NEGR1: variants seen among roughly 807,000 people sequenced by gnomAD.
NEGR1 encodes IgLON family member 4.
NEGR1 carries 10 observed loss-of-function variants against 40.9 expected under a neutral mutation model. That is an observed-to-expected ratio of 0.24 (90% CI 0.15 to 0.42). NEGR1 has a LOEUF of 0.42. Ranked by LOEUF, NEGR1 falls within the 10% of genes least tolerant of loss-of-function variation. The probability of loss-of-function intolerance (pLI) is 1.00; values close to 1 mark genes in which losing one functional copy is unlikely to be tolerated. For missense variants in NEGR1, 352 were observed against 438.9 expected (o/e 0.80, Z 1.77); for synonymous variants, 185 against 166.8 (o/e 1.11, Z -0.84).
At chr1:71,588,055 C>T (rs917941317) in intron 6 of NEGR1, among the ~76,000 whole-genome samples, 3 of 152,006 alleles carry the variant, frequency 2.0e-5, no homozygotes, top group Non-Finnish European at 4.4e-5. Context: ...AGAAACAAAG[C>T]GTGTACAACA....
chr1:71,540,235 G>T (rs1211096744), intron 6 of NEGR1, among the ~76,000 whole-genome samples: 1 of 151,644 alleles, frequency 6.6e-6, no homozygotes, highest in Non-Finnish European at 1.5e-5. Flanking sequence ...AAACTCACTT[G>T]GTTTTCTCTC....
chr1:71,946,051 T>C (rs1470870257), intron 1 of NEGR1, among the ~76,000 whole-genome samples: 2 of 151,054 alleles, frequency 1.3e-5, no homozygotes, highest in East Asian at 1.9e-4. Flanking sequence ...ATTCGTTTCT[T>C]TTTTTTTGTG....
intron 2 of NEGR1, among the ~76,000 whole-genome samples, chr1:71,847,593 G>C (rs1659464112): frequency 6.6e-6 from 1 of 152,090 alleles, no homozygotes; most frequent in Admixed American, 6.5e-5. Flanking sequence ...ATGTAAGATG[G>C]CAAGCTTAAT....
chr1:71,919,127 C>A (rs535212758), intron 2 of NEGR1, among the ~76,000 whole-genome samples: 21 of 152,186 alleles, frequency 1.4e-4, no homozygotes, highest in Non-Finnish European at 2.9e-4. Flanking sequence ...CAGTAGTTCT[C>A]AGCTCTCACT....
intron 3 of NEGR1, among the ~76,000 whole-genome samples, chr1:71,721,003 G>A (rs899809338): frequency 6.6e-6 from 1 of 152,150 alleles, no homozygotes; most frequent in Non-Finnish European, 1.5e-5. Flanking sequence ...AGCAAGTCAG[G>A]TTAGAGAAAA....
At chr1:72,181,225 TGTTTTGCTCTTTA>T (rs566340307) in intron 1 of NEGR1, among the ~76,000 whole-genome samples, 20 of 152,284 alleles carry the variant, frequency 1.3e-4, no homozygotes, top group Admixed American at 7.9e-4. Flanking sequence ...ATGGGGCAGC[TGTTTTGCTCTTTA>T]TCTTCAACTG....
At chr1:71,797,215 G>C (rs977909427) in intron 2 of NEGR1, among the ~76,000 whole-genome samples, 14 of 152,128 alleles carry the variant, frequency 9.2e-5, no homozygotes, top group African/African-American at 2.7e-4. Context: ...GTCATGCTAT[G>C]AATTAGGAAT....
At chr1:72,213,877 C>T (rs141869515) in intron 1 of NEGR1, among the ~76,000 whole-genome samples, 1,910 of 152,118 alleles carry the variant, frequency 0.013, 33 homozygotes, top group African/African-American at 0.043. Context: ...AGGCCAGCAT[C>T]ATCCTGATAC....
intron 3 of NEGR1, among the ~76,000 whole-genome samples, chr1:71,760,387 G>A (rs1380116477): frequency 6.6e-6 from 1 of 152,050 alleles, no homozygotes; most frequent in African/African-American, 2.4e-5. Context: ...ACCACTTACT[G>A]GTTAGAAGTA....
At chr1:71,826,813 T>G (rs553889750) in intron 2 of NEGR1, among the ~76,000 whole-genome samples, 1 of 152,088 alleles carries the variant, frequency 6.6e-6, no homozygotes, top group East Asian at 1.9e-4. Flanking sequence ...TCTAAAATGT[T>G]AAAATGAAAT....
intron 6 of NEGR1, among the ~76,000 whole-genome samples, chr1:71,418,369 A>G (rs995415954): frequency 6.6e-6 from 1 of 151,806 alleles, no homozygotes; most frequent in African/African-American, 2.4e-5. Context: ...GCTGGAGTGC[A>G]GTGGGGCAAT....
chr1:72,215,837 G>T (rs900028877), intron 1 of NEGR1, among the ~76,000 whole-genome samples: 1 of 151,948 alleles, frequency 6.6e-6, no homozygotes, highest in Non-Finnish European at 1.5e-5. Flanking sequence ...AATACTATTT[G>T]ACCAAGCAAT....
intron 6 of NEGR1, among the ~76,000 whole-genome samples, chr1:71,487,720 A>T (rs1646896087): frequency 6.6e-6 from 1 of 150,648 alleles, no homozygotes; most frequent in East Asian, 2.0e-4. Context: ...TATGAAGCAT[A>T]CAAACCCTAG....
intron 1 of NEGR1, among the ~76,000 whole-genome samples, chr1:72,186,868 A>G (rs1322917901): frequency 6.6e-6 from 1 of 151,654 alleles, no homozygotes; most frequent in African/African-American, 2.4e-5. Flanking sequence ...GTCTTCTGAC[A>G]GGATACTCCA....
At chr1:71,572,555 G>T (rs540008961) in intron 6 of NEGR1, among the ~76,000 whole-genome samples, 16 of 152,268 alleles carry the variant, frequency 1.1e-4, no homozygotes, top group Non-Finnish European at 5.9e-5. Context: ...TTATATCACT[G>T]CAAAGTCCTG....
intron 6 of NEGR1, among the ~76,000 whole-genome samples, chr1:71,532,039 G>A (rs1424620357): frequency 2.0e-5 from 3 of 151,362 alleles, no homozygotes; most frequent in African/African-American, 7.3e-5. Context: ...ACCTCTTTAT[G>A]TGTAGGCAGC....
intron 1 of NEGR1, among the ~76,000 whole-genome samples, chr1:72,058,299 T>C (rs1647130505): frequency 6.6e-6 from 1 of 151,530 alleles, no homozygotes; most frequent in African/African-American, 2.4e-5. Context: ...TAGAGAAAAT[T>C]GGCAGAGTAT....
intron 3 of NEGR1, among the ~76,000 whole-genome samples, chr1:71,768,475 G>T (rs549405937): frequency 6.6e-6 from 1 of 152,224 alleles, no homozygotes; most frequent in African/African-American, 2.4e-5. Flanking sequence ...CTCCCTTTTG[G>T]AATGGGAGTA....
At chr1:71,728,588 C>A (rs889894653) in intron 3 of NEGR1, among the ~76,000 whole-genome samples, 1 of 152,080 alleles carries the variant, frequency 6.6e-6, no homozygotes, top group Non-Finnish European at 1.5e-5. Flanking sequence ...CAAAATCTAA[C>A]GTTGCTTTTT....
Sources: allele counts gnomAD v4.1 joint callset (sites outside exome capture counted in the v4.1 genomes callset), GRCh38; gene constraint gnomAD v4.1.1; transcripts MANE v1.5; gene names NCBI Gene and HGNC (gene_info 2026-07-23, HGNC 2026-07-21).